HIBCH: variants seen among roughly 807,000 people sequenced by gnomAD.
HIBCH encodes the protein 3-hydroxyisobutyryl-CoA hydrolase, mitochondrial.
HIBCH carries 50 observed loss-of-function variants against 58.2 expected under a neutral mutation model. The ratio of observed to expected loss-of-function variants is 0.86; its 90% CI spans 0.68 to 1.09. The LOEUF is 1.09. Ranked by LOEUF, HIBCH falls within the 50% of genes least tolerant of loss-of-function variation. The pLI is 0.00. For missense variants in HIBCH, 450 were observed against 449.7 expected (o/e 1.00, Z -0.01); for synonymous variants, 151 against 146.9 (o/e 1.03, Z -0.20).
At chr2:190,231,397 G>C (rs986868971) in intron 11 of HIBCH, among the ~76,000 whole-genome samples, 1 of 152,124 alleles carries the variant, frequency 6.6e-6, no homozygotes, top group South Asian at 2.1e-4. Flanking sequence ...AAAAATTACT[G>C]TAATTTACAT....
chr2:190,194,747 T>C (rs140857046), intron 1 of HIBCH, among the ~76,000 whole-genome samples: 70 of 152,308 alleles, frequency 4.6e-4, no homozygotes, highest in African/African-American at 1.3e-3. Context: ...CTCCAGAGTC[T>C]TGCCATTTCT....
At chr2:190,284,084 T>C (rs1337024106) in intron 6 of HIBCH, among the ~76,000 whole-genome samples, 2 of 152,234 alleles carry the variant, frequency 1.3e-5, no homozygotes, top group African/African-American at 4.8e-5. Context: ...GGTGGAGTTC[T>C]GGTTAAGAAA....
At chr2:190,250,252 A>G (rs1686724748) in intron 8 of HIBCH, 1 of 368,628 alleles carries the variant, frequency 2.7e-6, no homozygotes, top group Admixed American at 3.7e-5. Flanking sequence ...TTTCCTGATA[A>G]TACTCACCTT....
intron 6 of HIBCH, among the ~76,000 whole-genome samples, chr2:190,274,331 A>T (rs1366337270): frequency 6.6e-6 from 1 of 152,252 alleles, no homozygotes; most frequent in Non-Finnish European, 1.5e-5. Flanking sequence ...TGAAAATAAG[A>T]ACATGTCTTC....
intron 11 of HIBCH, among the ~76,000 whole-genome samples, chr2:190,222,982 G>A (rs1270028728): frequency 2.0e-5 from 3 of 152,202 alleles, no homozygotes; most frequent in East Asian, 3.8e-4. Flanking sequence ...GGACATGGAT[G>A]AAGCTGGAAA....
rs1690399538 is a variant in HIBCH at position 190,206,710 on chromosome 2, AAT to A, written c.1046-1480_1046-1479del. The stretch of plus-strand genomic sequence containing the variant: ...ATTTGCTAACTTACTTTAACTTGCT[AAT>A]ATGTTTTTATTATTAGCAAACTGCA... On this transcript the variant is annotated intron_variant, in intron 13 of 13. Coordinates refer to ENST00000359678, the MANE Select transcript of HIBCH (RefSeq NM_014362.4). This position sits in a 1 kb window ranked among gnomAD's most constrained non-coding sequence, Gnocchi z 5.1. 6.6e-6 allele frequency among the ~76,000 whole-genome samples: 1 copy of A among 152,240 alleles called. No individual in the cohort carries two copies. Among genetic ancestry groups the A allele is most frequent in the African/African-American group, 2.4e-5 (1 of 41,468 alleles).
chr2:190,204,375 A>T lies in HIBCH; in HGVS notation c.*742T>A, dbSNP rs944013122. ...TTCTACCAGATTAACAAATATCACA[A>T]ATAACAAGAAAATAATCCTTTCAGT... On this transcript the variant is annotated 3_prime_UTR_variant, in exon 14 of 14. Coordinates refer to ENST00000359678, the MANE Select transcript of HIBCH (RefSeq NM_014362.4). The T allele has an allele frequency of 6.6e-6, 1 of 152,094 alleles. No individual in the cohort carries two copies. The highest frequency in any genetic ancestry group is 1.5e-5 in the Non-Finnish European group (1 of 67,958). The allele number at this position is 152,094 out of a possible 1,614,324, so 9.4% of individuals were successfully genotyped here. A position where few individuals can be genotyped will look rare whatever the true frequency, so the allele number is the denominator to read the frequency against.
chr2:190,290,307 T>C, intron 5 of HIBCH, 98 bp downstream of exon 5: 2 of 824,704 alleles, frequency 2.4e-6, no homozygotes, highest in Admixed American at 3.7e-5. Flanking sequence ...ATTAAAAGTT[T>C]AAGTAAGGAT....
At chr2:190,240,151 C>A (rs534505692) in intron 11 of HIBCH, among the ~76,000 whole-genome samples, 1 of 152,196 alleles carries the variant, frequency 6.6e-6, no homozygotes, top group African/African-American at 2.4e-5. Context: ...GGTTGGTAGG[C>A]CATTAATTAT....
intron 1 of HIBCH, 128 bp downstream of exon 1, chr2:190,319,588 G>A (rs1247939089): frequency 1.3e-6 from 1 of 775,806 alleles, no homozygotes; most frequent in Admixed American, 2.0e-5. Context: ...CCAAGGTTGG[G>A]GTCTCACAGC....
chr2:190,314,995 T>G (rs1261550249), intron 1 of HIBCH, among the ~76,000 whole-genome samples: 1 of 151,916 alleles, frequency 6.6e-6, no homozygotes, highest in Non-Finnish European at 1.5e-5. Flanking sequence ...TCGCCCAGGC[T>G]GGAGTGCAGT....
In HIBCH at chr2:190,295,353, G is replaced by A. The variant is rs528895566; in HGVS notation, c.220-723C>T. Among the ~76,000 whole-genome samples the A allele has an allele frequency of 2.0e-5, 3 of 152,230 alleles. No individual in the cohort carries two copies. The South Asian group carries it at 6.2e-4, about 32-fold the overall frequency. ...TGCATATACAATATGAGATATCCTG[G>A]GGATTGGGAATTCCTTTATGTTTCA... On this transcript the variant is annotated intron_variant, in intron 3 of 13. Transcript: ENST00000359678.
At position 190,244,842 on chromosome 2, in the gene HIBCH, G is replaced by A. The variant is rs558122884; in HGVS notation, c.891+45C>T. 1.4e-4 allele frequency: 177 copies of A among 1,231,400 alleles called. 1 individual carries two copies. The highest frequency in any genetic ancestry group is 1.3e-3 in the South Asian group (106 of 83,446). 76.3% of individuals were successfully genotyped at this position (1,231,400 alleles called of 1,614,324 possible). A position where few individuals can be genotyped will look rare whatever the true frequency, so the allele number is the denominator to read the frequency against. ...CCCTTAGAGAGGCTTCCCTGTCACC[G>A]GACTTCACTATGTTCACTCAGGGCA... On this transcript the variant is annotated intron_variant, in intron 11 of 13. Coordinates refer to ENST00000359678, the MANE Select transcript of HIBCH (RefSeq NM_014362.4).
At chr2:190,284,626 C>T (rs1366326636) in intron 6 of HIBCH, among the ~76,000 whole-genome samples, 2 of 152,196 alleles carry the variant, frequency 1.3e-5, no homozygotes, top group Non-Finnish European at 2.9e-5. Context: ...AACTACTTCA[C>T]AACTTCTCAA....
chr2:190,280,771 C>T (rs774388748), intron 6 of HIBCH, among the ~76,000 whole-genome samples: 34 of 152,132 alleles, frequency 2.2e-4, no homozygotes, highest in Non-Finnish European at 4.4e-4. Flanking sequence ...AAACTCAAAC[C>T]CCGGAACCAC....
chr2:190,318,776 T>G (rs1688771320), intron 1 of HIBCH, among the ~76,000 whole-genome samples: 1 of 152,184 alleles, frequency 6.6e-6, no homozygotes, highest in South Asian at 2.1e-4. Flanking sequence ...ACTAAATCTC[T>G]CCATGAGCTG....
At chr2:190,200,734 A>G (rs1690209364), downstream of HIBCH, 1 of 168,442 alleles carries the variant, frequency 5.9e-6, no homozygotes, top group South Asian at 2.0e-4. Context: ...GGCCCTAACT[A>G]ATTACAGCTG....
intron 2 of HIBCH, among the ~76,000 whole-genome samples, chr2:190,299,459 A>G (rs1688199816): frequency 6.6e-6 from 1 of 152,124 alleles, no homozygotes; most frequent in South Asian, 2.1e-4. Context: ...CTTTAGCAAC[A>G]GTAAGATATA....
At position 190,252,075 on chromosome 2, in the gene HIBCH, T is replaced by C. The variant is rs190889200; in HGVS notation, c.663+87A>G. The C allele has an allele frequency of 3.7e-3, 4,571 of 1,235,166 alleles. 14 individuals carry two copies. The highest frequency in any genetic ancestry group is 4.8e-3 in the Non-Finnish European group (4,043 of 839,160). 76.5% of individuals were successfully genotyped at this position (1,235,166 alleles called of 1,614,324 possible). A position where few individuals can be genotyped will look rare whatever the true frequency, so the allele number is the denominator to read the frequency against. On this transcript the variant is annotated intron_variant, in intron 8 of 13. Transcript: ENST00000359678. Reference sequence around the variant, plus strand: ...ACACCACGATTTCACCAGAAGTCTGTGGCTCTCAACCACCCATTGTACCTT... The same window carrying C: ...ACACCACGATTTCACCAGAAGTCTGCGGCTCTCAACCACCCATTGTACCTT...
Sources: allele counts gnomAD v4.1 joint callset (sites outside exome capture counted in the v4.1 genomes callset), GRCh38; gene constraint gnomAD v4.1.1; non-coding constraint Gnocchi (gnomAD v3.1); transcripts MANE v1.5; gene names NCBI Gene and HGNC (gene_info 2026-07-23, HGNC 2026-07-21).